Variants in TOMT observed in about 807,000 individuals in gnomAD.
TOMT encodes the protein transmembrane O-methyltransferase.
Under a neutral mutation model 21.7 loss-of-function variants are expected in TOMT, and 23 were observed. The ratio of observed to expected loss-of-function variants is 1.06; its 90% CI spans 0.76 to 1.50. The LOEUF (loss-of-function observed/expected upper bound fraction) is 1.50. Ranked by LOEUF, TOMT falls within the 40% of genes most tolerant of loss-of-function variation. The probability of loss-of-function intolerance (pLI) is 0.00; values close to 1 mark genes in which losing one functional copy is unlikely to be tolerated. For synonymous variants in TOMT, 132 were observed against 150.8 expected (o/e 0.88, Z 0.91); for missense variants, 331 against 348.7 (o/e 0.95, Z 0.41).
rs1945978038 is a variant in TOMT, at chr11:72,108,601, AC to A, written c.457-3del. The A allele has an allele frequency of 6.9e-7, 1 of 1,448,696 alleles. No individual in the cohort carries two copies. Among genetic ancestry groups the A allele is most frequent in the African/African-American group, 1.4e-5 (1 of 70,104 alleles). 89.7% of individuals were successfully genotyped at this position (1,448,696 alleles called of 1,614,324 possible). A position where few individuals can be genotyped will look rare whatever the true frequency, so the allele number is the denominator to read the frequency against. The stretch of plus-strand genomic sequence containing the variant: ...CTCACCTCCAGCTCCCCCTATCCCC[AC>A]AGGTGGAGCTCATCGTGGGCAGCTC... On this transcript the variant is annotated splice_polypyrimidine_tract_variant and splice_region_variant and intron_variant, in intron 2 of 2. Coordinates refer to ENST00000541899, the Ensembl canonical transcript of TOMT.
rs1946051354 is a variant in TOMT, at chr11:72,109,032, C to T, written c.*107C>T. The T allele has an allele frequency of 9.0e-6, 9 of 995,438 alleles. 1 individual carries two copies. The South Asian group carries it at 1.5e-4, about 17-fold the overall frequency. 61.7% of individuals were successfully genotyped at this position (995,438 alleles called of 1,614,324 possible). ...TTGGGGCCTTGACACACGCTGGGCTCAGGGCTAGGGAGTCTCTCTTCCCAC... is the reference window on the plus strand; with the variant it reads ...TTGGGGCCTTGACACACGCTGGGCTTAGGGCTAGGGAGTCTCTCTTCCCAC... On this transcript the variant is annotated 3_prime_UTR_variant, in exon 3 of 3. Transcript: ENST00000541899.
chr11:72,108,833 C>T lies in TOMT; in HGVS notation c.685C>T (p.Arg229Cys), dbSNP rs886048634. ...CTTGCAGTATGCTAAGAGCTGTGGC[C>T]GCTACCGCTGCCGCCTCCACCACAC... The change falls in exon 3 of 3, where the codon CGC becomes TGC. Residue 229 changes from arginine to cysteine, a missense_variant. Transcript: ENST00000541899. 106 of 1,550,534 alleles carry T rather than the reference C, an allele frequency of 6.8e-5. No individual in the cohort carries two copies. The highest frequency in any genetic ancestry group is 1.2e-4 in the African/African-American group (9 of 73,038).
At chr11:72,106,627 C>T (rs2135189944) in intron 1 of TOMT, 1 of 157,440 alleles carries the variant, frequency 6.4e-6, no homozygotes, top group South Asian at 2.0e-4. Flanking sequence ...TCAATCCCAG[C>T]ATAAGTGCTT....
intron 1 of TOMT, chr11:72,107,430 A>T: frequency 1.4e-6 from 1 of 702,604 alleles, no homozygotes; most frequent in South Asian, 1.5e-5. Flanking sequence ...GCAACATTTG[A>T]ACTGAATCTG....
chr11:72,107,077 G>A, intron 1 of TOMT: 1 of 239,432 alleles, frequency 4.2e-6, no homozygotes, highest in South Asian at 8.6e-5. Context: ...ACTAGCCTGG[G>A]TAACAAAGCA....
chr11:72,107,775 G>C, intron 1 of TOMT, 148 bp from the exon 2 acceptor site: 3 of 785,278 alleles, frequency 3.8e-6, no homozygotes, highest in Non-Finnish European at 4.1e-6. Flanking sequence ...CGGGGACCAG[G>C]AGGGCAGCTG....
chr11:72,108,540 G>C, intron 2 of TOMT, 65 bp from the exon 3 acceptor site: 1 of 1,379,512 alleles, frequency 7.2e-7, no homozygotes, highest in Non-Finnish European at 9.5e-7. Context: ...GCCAGATCCT[G>C]GTGGGGTCTT....
intron 1 of TOMT, chr11:72,106,959 AAAAAG>A (rs1411461616): frequency 6.0e-5 from 9 of 149,160 alleles, no homozygotes; most frequent in East Asian, 2.0e-4. Context: ...AAAAAAAAAG[AAAAAG>A]AAAAGAAAAG....
intron 1 of TOMT, chr11:72,106,478 C>G (rs1299095586): frequency 8.3e-6 from 3 of 363,628 alleles, no homozygotes; most frequent in Non-Finnish European, 1.5e-5. Context: ...ATGCTGGCCT[C>G]AAAGGAACCA....
At chr11:72,108,870 A>G in exon 3 of TOMT, 1 of 1,550,234 alleles carries the variant, frequency 6.5e-7, no homozygotes, top group Non-Finnish European at 8.7e-7. Context: ...GGCCTTCCAG[A>G]CTTCCCTGCC....
At chr11:72,108,918 C>T in exon 3 of TOMT, 1 of 1,532,140 alleles carries the variant, frequency 6.5e-7, no homozygotes, top group Non-Finnish European at 8.8e-7. Context: ...TATGCTGGAC[C>T]AGGCTGAGGT....
At chr11:72,109,104 A>C in exon 3 of TOMT, 1 of 606,418 alleles carries the variant, frequency 1.6e-6, no homozygotes, top group East Asian at 2.9e-5. Context: ...GTCAAGTTCT[A>C]TCAGGCTGCT....
exon 3 of TOMT, chr11:72,108,779 C>T (rs1445403617): frequency 6.4e-7 from 1 of 1,550,508 alleles, no homozygotes; most frequent in East Asian, 2.4e-5. Context: ...GCTGGCTGAC[C>T]ATGTGCTCTT....
chr11:72,108,285 C>T (rs1171147045), intron 2 of TOMT, among the ~76,000 whole-genome samples, 166 bp downstream of exon 2: 1 of 152,192 alleles, frequency 6.6e-6, no homozygotes, highest in African/African-American at 2.4e-5. Flanking sequence ...GTCATCTGCA[C>T]ATTATTTTCT....
chr11:72,108,383 C>A (rs1022392755), intron 2 of TOMT, among the ~76,000 whole-genome samples: 1 of 152,192 alleles, frequency 6.6e-6, no homozygotes, highest in Non-Finnish European at 1.5e-5. Flanking sequence ...TTGTTAGCTA[C>A]GTGACCTTGA....
chr11:72,108,372 CTT>C lies in TOMT; in HGVS notation c.457-232_457-231del, dbSNP rs575541828. On this transcript the variant is annotated intron_variant, in intron 2 of 2. Transcript: ENST00000541899. The stretch of plus-strand genomic sequence containing the variant: ...TTTGGGTCCAGCTCTTACTCTGCCT[CTT>C]GTTAGCTACGTGACCTTGAGCAAAG... Among the ~76,000 whole-genome samples, 174 of 152,346 alleles carry C rather than the reference CTT, an allele frequency of 1.1e-3. 1 individual carries two copies. The highest frequency in any genetic ancestry group is 4.1e-3 in the African/African-American group (170 of 41,584).
At chr11:72,107,867 T>C in intron 1 of TOMT, 56 bp from the exon 2 acceptor site, 26 of 1,539,598 alleles carry the variant, frequency 1.7e-5, no homozygotes, top group Non-Finnish European at 2.3e-5. Context: ...ATATCTTTTA[T>C]CAGGGGCCCT....
At chr11:72,107,166 C>A in intron 1 of TOMT, 1 of 437,110 alleles carries the variant, frequency 2.3e-6, no homozygotes, top group South Asian at 3.9e-5. Flanking sequence ...ACTGGAAATG[C>A]TGAGGTGGGA....
At chr11:72,109,207 G>A in exon 3 of TOMT, 1 of 487,362 alleles carries the variant, frequency 2.1e-6, no homozygotes, top group Non-Finnish European at 3.8e-6. Context: ...GATTTGCTGA[G>A]TGACTCCAAG....
Sources: allele counts gnomAD v4.1 joint callset (sites outside exome capture counted in the v4.1 genomes callset), GRCh38; gene constraint gnomAD v4.1.1; transcripts MANE v1.5; gene names NCBI Gene and HGNC (gene_info 2026-07-23, HGNC 2026-07-21).